DLG2: variants seen among roughly 807,000 people sequenced by gnomAD.
The protein encoded by DLG2 is disks large homolog 2.
A neutral mutation model predicts 132.5 loss-of-function variants in DLG2; 45 were observed. That is an observed-to-expected ratio of 0.34 (90% CI 0.27 to 0.44). The LOEUF (loss-of-function observed/expected upper bound fraction) is 0.44. Among genes scored for constraint, DLG2 ranks in the 20% least tolerant of loss-of-function variants. The pLI is 1.00. For missense variants in DLG2, 1,045 were observed against 1,196.9 expected, an observed-to-expected ratio of 0.87 and a Z score of 1.87; for synonymous variants, 424 against 419.6, an observed-to-expected ratio of 1.01 and a Z score of -0.13.
chr11:83,998,772 G>C (rs1053246649), intron 11 of DLG2, among the ~76,000 whole-genome samples: 1 of 152,122 alleles, frequency 6.6e-6, no homozygotes, highest in Non-Finnish European at 1.5e-5. Context: ...CACCGTTTTA[G>C]AGTCCTGCCC....
rs189850200 is a variant in DLG2, at chr11:85,243,218, T to C, written c.186+42002A>G. ...TTAGATTTCCACCCAGAGTTGACTT[T>C]GAGAGAGGAGACTAGAAGCTTATGC... is the stretch of plus-strand genomic sequence containing the variant. On this transcript the variant is annotated intron_variant, in intron 4 of 27. Transcript: ENST00000376104. 3.3e-5 allele frequency among the ~76,000 whole-genome samples: 5 copies of C among 152,008 alleles called. No individual in the cohort carries two copies. In the East Asian group the frequency reaches 9.7e-4, roughly 29 times the overall value.
At chr11:84,402,385 G>A (rs1335784870) in intron 7 of DLG2, among the ~76,000 whole-genome samples, 2 of 152,152 alleles carry the variant, frequency 1.3e-5, no homozygotes, top group East Asian at 3.9e-4. Flanking sequence ...CTCTAGGTTT[G>A]ATGGGAAATT....
At chr11:85,458,613 T>C (rs1314689758) in intron 3 of DLG2, among the ~76,000 whole-genome samples, 1 of 152,200 alleles carries the variant, frequency 6.6e-6, no homozygotes, top group Non-Finnish European at 1.5e-5. Flanking sequence ...TTTCTGGGTG[T>C]TTTCAGAGGG....
intron 8 of DLG2, among the ~76,000 whole-genome samples, chr11:84,239,980 A>G (rs1452635495): frequency 1.3e-5 from 2 of 152,162 alleles, no homozygotes; most frequent in African/African-American, 4.8e-5. Context: ...CCTCACTTTT[A>G]TCTGAGCCCA....
chr11:84,579,325 G>A (rs1243637744), intron 6 of DLG2, among the ~76,000 whole-genome samples: 1 of 151,778 alleles, frequency 6.6e-6, no homozygotes, highest in African/African-American at 2.4e-5. Context: ...TTAGCCAATT[G>A]CACTTTTATT....
intron 6 of DLG2, among the ~76,000 whole-genome samples, chr11:84,789,609 T>C (rs974867554): frequency 6.6e-6 from 1 of 152,188 alleles, no homozygotes; most frequent in Non-Finnish European, 1.5e-5. Context: ...TAAATTATTA[T>C]TGACTACAGT....
At chr11:85,435,667 C>A (rs944538601) in intron 3 of DLG2, among the ~76,000 whole-genome samples, 1 of 152,120 alleles carries the variant, frequency 6.6e-6, no homozygotes, top group Non-Finnish European at 1.5e-5. Context: ...AGAGAGGACA[C>A]AAACAAATGG....
intron 4 of DLG2, among the ~76,000 whole-genome samples, chr11:85,160,683 G>C (rs180842597): frequency 3.9e-5 from 6 of 152,256 alleles, no homozygotes; most frequent in Admixed American, 3.9e-4. Flanking sequence ...GTTACATGAG[G>C]AAGTGGCTCA....
chr11:83,524,783 AT>A (rs1196048294), intron 21 of DLG2, among the ~76,000 whole-genome samples: 22 of 152,082 alleles, frequency 1.4e-4, no homozygotes, highest in Non-Finnish European at 2.5e-4. Flanking sequence ...CTGTTTCCTG[AT>A]TTCTGCCAAC....
chr11:84,506,076 G>GTTTTTTTTT (rs559086542), intron 7 of DLG2, among the ~76,000 whole-genome samples: 5 of 91,396 alleles, frequency 5.5e-5, no homozygotes, highest in African/African-American at 1.4e-4. Context: ...CAGAGGCTCA[G>GTTTTTTTTT]TTCTTTTTTT....
chr11:84,257,679 ATTTTT>A (rs1172548999), intron 7 of DLG2, among the ~76,000 whole-genome samples: 5 of 105,912 alleles, frequency 4.7e-5, no homozygotes, highest in African/African-American at 1.1e-4. Context: ...TTATCTCTGG[ATTTTT>A]TTTTTTTTTT....
intron 5 of DLG2, among the ~76,000 whole-genome samples, chr11:85,121,010 T>C (rs944417875): frequency 1.3e-5 from 2 of 152,062 alleles, no homozygotes; most frequent in Non-Finnish European, 2.9e-5. Context: ...AGTGCTGGTG[T>C]CATCTGTGGC....
chr11:83,949,494 G>A (rs1014986774), intron 14 of DLG2, among the ~76,000 whole-genome samples: 1 of 152,014 alleles, frequency 6.6e-6, no homozygotes, highest in African/African-American at 2.4e-5. Flanking sequence ...TTTCCACATG[G>A]TATCTCTATT....
chr11:84,934,515 G>GGTTTTTT lies in DLG2; in HGVS notation c.357+177145_357+177146insAAAAAAC, dbSNP rs1566441569. ...GTATGGTCCTGGGTGTTTTTTTTTT[G>GGTTTTTT]TTTTGTTTTGTTTTTTTTTTTTTTT... is the stretch of plus-strand genomic sequence containing the variant. On this transcript the variant is annotated intron_variant, in intron 6 of 27. Transcript: ENST00000376104. Among the ~76,000 whole-genome samples the GGTTTTTT allele has an allele frequency of 6.9e-4, 28 of 40,472 alleles. 2 individuals are homozygous for GGTTTTTT. The highest frequency in any genetic ancestry group is 3.6e-3 in the East Asian group (3 of 824). The allele number at this position is 40,472 out of a possible 152,430, so 26.6% of individuals were successfully genotyped here.
chr11:84,305,972 T>C (rs2098213518), intron 7 of DLG2, among the ~76,000 whole-genome samples: 1 of 152,206 alleles, frequency 6.6e-6, no homozygotes, highest in South Asian at 2.1e-4. Context: ...AACAACTTTA[T>C]TAATGAAATT....
At chr11:83,515,414 CTCTTT>C in intron 21 of DLG2, among the ~76,000 whole-genome samples, 1 of 151,980 alleles carries the variant, frequency 6.6e-6, no homozygotes. Flanking sequence ...TGATTCTTCT[CTCTTT>C]TCTTATTAGT....
At chr11:84,642,117 A>AGT (rs139383928) in intron 6 of DLG2, among the ~76,000 whole-genome samples, 37,747 of 138,406 alleles carry the variant, frequency 0.27, 5,446 homozygotes, top group African/African-American at 0.36. Flanking sequence ...GTATATGTAG[A>AGT]GTGTGTGTGT....
intron 5 of DLG2, among the ~76,000 whole-genome samples, chr11:85,134,513 A>C (rs1405564551): frequency 7.8e-6 from 1 of 128,258 alleles, no homozygotes; most frequent in Non-Finnish European, 1.6e-5. Flanking sequence ...TGGGCAACAG[A>C]GCGAGACTCC....
chr11:84,784,362 A>C (rs147848331), intron 6 of DLG2, among the ~76,000 whole-genome samples: 21 of 140,150 alleles, frequency 1.5e-4, no homozygotes, highest in African/African-American at 5.4e-4. Flanking sequence ...ATAAATAAAT[A>C]AATAAATTAA....
Sources: allele counts gnomAD v4.1 joint callset (sites outside exome capture counted in the v4.1 genomes callset), GRCh38; gene constraint gnomAD v4.1.1; transcripts MANE v1.5; gene names NCBI Gene and HGNC (gene_info 2026-07-23, HGNC 2026-07-21).